Variants in PCDH9 observed in about 807,000 individuals in gnomAD.
PCDH9 encodes protocadherin-9.
In PCDH9, 24 loss-of-function variants were observed where a neutral mutation model predicts 70.6. That is an observed-to-expected ratio of 0.34 (90% CI 0.25 to 0.48). The LOEUF (loss-of-function observed/expected upper bound fraction) is 0.48. Ranked by LOEUF, PCDH9 falls within the 20% of genes least tolerant of loss-of-function variation. The pLI is 0.99. For synonymous variants in PCDH9, 562 were observed against 558.5 expected, an observed-to-expected ratio of 1.01 and a Z score of -0.09; for missense variants, 1,281 against 1,503.6, an observed-to-expected ratio of 0.85 and a Z score of 2.45.
intron 2 of PCDH9, among the ~76,000 whole-genome samples, chr13:66,944,480 C>G (rs1045341611): frequency 6.6e-6 from 1 of 152,104 alleles, no homozygotes; most frequent in Non-Finnish European, 1.5e-5. Context: ...TTACCTTATT[C>G]AGTTTTTAAC....
intron 4 of PCDH9, among the ~76,000 whole-genome samples, chr13:66,493,806 T>C (rs956567200): frequency 1.3e-5 from 2 of 152,138 alleles, no homozygotes; most frequent in East Asian, 3.8e-4. Context: ...TTGTTTTTCA[T>C]AGAGTCACAC....
intron 2 of PCDH9, among the ~76,000 whole-genome samples, chr13:66,982,337 T>C (rs938483058): frequency 6.6e-6 from 1 of 152,196 alleles, no homozygotes; most frequent in Admixed American, 6.5e-5. Flanking sequence ...ATAAATGGCC[T>C]GATACAATAA....
intron 2 of PCDH9, among the ~76,000 whole-genome samples, chr13:66,975,736 G>A (rs570661856): frequency 6.6e-6 from 1 of 152,082 alleles, no homozygotes; most frequent in South Asian, 2.1e-4. Context: ...ATAACTAGGT[G>A]CCAGAAATAC....
At chr13:66,738,035 T>C (rs1238697197) in intron 3 of PCDH9, among the ~76,000 whole-genome samples, 4 of 152,172 alleles carry the variant, frequency 2.6e-5, no homozygotes, top group Non-Finnish European at 4.4e-5. Flanking sequence ...CCTCCACCTC[T>C]GGGGGCAGGG....
At chr13:66,614,294 A>G (rs368591456) in intron 4 of PCDH9, among the ~76,000 whole-genome samples, 5 of 152,360 alleles carry the variant, frequency 3.3e-5, no homozygotes, top group African/African-American at 1.2e-4. Context: ...AATTGTGGAA[A>G]TTAATCTTGC....
At chr13:66,962,758 G>C (rs748468943) in intron 2 of PCDH9, among the ~76,000 whole-genome samples, 2 of 152,046 alleles carry the variant, frequency 1.3e-5, no homozygotes, top group Non-Finnish European at 2.9e-5. Flanking sequence ...TATTTATAAT[G>C]CATCAGTGGT....
intron 2 of PCDH9, among the ~76,000 whole-genome samples, chr13:67,143,298 C>A (rs2087441857): frequency 6.6e-6 from 1 of 152,294 alleles, no homozygotes; most frequent in African/African-American, 2.4e-5. Context: ...TCACAACAAT[C>A]CTATGAGTTG....
intron 3 of PCDH9, among the ~76,000 whole-genome samples, chr13:66,828,859 G>A (rs1353269938): frequency 2.0e-5 from 3 of 149,506 alleles, no homozygotes; most frequent in Non-Finnish European, 3.0e-5. Flanking sequence ...GATAAAAAAA[G>A]TTCATATTTA....
At chr13:66,897,693 AGTTC>A (rs2082206314) in intron 3 of PCDH9, among the ~76,000 whole-genome samples, 1 of 152,136 alleles carries the variant, frequency 6.6e-6, no homozygotes, top group African/African-American at 2.4e-5. Flanking sequence ...CTGCAGTATA[AGTTC>A]TTTAAATTCT....
rs563375176 is a variant in PCDH9 at position 67,015,818 on chromosome 13, C to G, written c.3037-112213G>C. On this transcript the variant is annotated intron_variant, in intron 2 of 4. Coordinates refer to ENST00000377865, the MANE Select transcript of PCDH9 (RefSeq NM_203487.3). ...AAGTAATCTCTCATTCATCTATGTT[C>G]CTATGGCTCATTGTTCCTGTCAGTA... 1.4e-4 allele frequency among the ~76,000 whole-genome samples: 21 copies of G among 152,214 alleles called. No individual in the cohort carries two copies. The South Asian group carries it at 4.4e-3, about 32-fold the overall frequency.
At chr13:67,038,042 G>A (rs1317557302) in intron 2 of PCDH9, among the ~76,000 whole-genome samples, 1 of 152,126 alleles carries the variant, frequency 6.6e-6, no homozygotes, top group African/African-American at 2.4e-5. Flanking sequence ...AGAAAGATGA[G>A]GGGCGTGAAG....
intron 3 of PCDH9, among the ~76,000 whole-genome samples, chr13:66,777,945 T>A (rs1216675593): frequency 6.6e-6 from 1 of 152,018 alleles, no homozygotes; most frequent in African/African-American, 2.4e-5. Context: ...TGGAATACTA[T>A]GCAGCCATAA....
chr13:66,364,772 T>C (rs975292819), intron 4 of PCDH9, among the ~76,000 whole-genome samples: 6 of 152,180 alleles, frequency 3.9e-5, no homozygotes, highest in Non-Finnish European at 7.3e-5. Flanking sequence ...TGCTACATCC[T>C]TCATAGGTGT....
intron 4 of PCDH9, among the ~76,000 whole-genome samples, chr13:66,604,604 A>T (rs1566450180): frequency 1.3e-5 from 2 of 152,016 alleles, no homozygotes; most frequent in African/African-American, 4.8e-5. Context: ...TGAGTGATGG[A>T]TTTTTTCCTG....
chr13:66,795,280 G>A (rs1011954748), intron 3 of PCDH9, among the ~76,000 whole-genome samples: 1 of 152,074 alleles, frequency 6.6e-6, no homozygotes, highest in Admixed American at 6.6e-5. Flanking sequence ...CATTCTTTGA[G>A]AATCATGTCA....
chr13:66,932,026 G>A (rs1051201932), intron 2 of PCDH9, among the ~76,000 whole-genome samples: 4 of 152,032 alleles, frequency 2.6e-5, no homozygotes, highest in Non-Finnish European at 5.9e-5. Context: ...TGAAGTATAT[G>A]GTAGATTAGT....
At chr13:66,479,264 C>CA (rs1958792686) in intron 4 of PCDH9, among the ~76,000 whole-genome samples, 1 of 152,192 alleles carries the variant, frequency 6.6e-6, no homozygotes, top group Admixed American at 6.5e-5. Context: ...TGTGATTATT[C>CA]AGGAGCTCTG....
intron 3 of PCDH9, among the ~76,000 whole-genome samples, chr13:66,813,506 GGAA>G (rs1273737313): frequency 1.3e-5 from 2 of 150,940 alleles, no homozygotes. Context: ...AGGAAGAAAA[GGAA>G]GAAAGGAAGG....
chr13:67,178,421 A>G lies in PCDH9; in HGVS notation c.3036+46984T>C, dbSNP rs191292293. ...ACAATAACTATTTATCTAACATCCA[A>G]AAACTATTTCTTACTATTGTGATTT... On this transcript the variant is annotated intron_variant, in intron 2 of 4. Transcript: ENST00000377865. 1.1e-4 allele frequency among the ~76,000 whole-genome samples: 17 copies of G among 152,238 alleles called. 1 individual carries two copies. In the South Asian group the frequency reaches 2.3e-3, roughly 20 times the overall value.
Sources: allele counts gnomAD v4.1 joint callset (sites outside exome capture counted in the v4.1 genomes callset), GRCh38; gene constraint gnomAD v4.1.1; transcripts MANE v1.5; gene names NCBI Gene and HGNC (gene_info 2026-07-23, HGNC 2026-07-21).